The following PEX14 variants were observed in gnomAD, a reference collection of about 807,000 sequenced individuals.
The protein encoded by PEX14 is peroxisomal membrane protein PEX14.
In PEX14, 15 loss-of-function variants were observed where a neutral mutation model predicts 49.5. The ratio of observed to expected loss-of-function variants is 0.30; its 90% CI spans 0.20 to 0.47. PEX14 has a LOEUF of 0.47. PEX14 is among the 20% of genes least tolerant of loss of function. The pLI is 1.00. For synonymous variants in PEX14, 210 were observed against 212.7 expected (o/e 0.99, Z 0.11); for missense variants, 398 against 494.8 (o/e 0.80, Z 1.86).
intron 3 of PEX14, among the ~76,000 whole-genome samples, chr1:10,538,115 C>A (rs1464702808): frequency 2.0e-5 from 3 of 152,124 alleles, no homozygotes; most frequent in Non-Finnish European, 4.4e-5. Context: ...GGAAGGCAGA[C>A]GATTAACAAA....
chr1:10,570,507 A>G (rs1021189766), intron 3 of PEX14, among the ~76,000 whole-genome samples: 2 of 151,624 alleles, frequency 1.3e-5, no homozygotes, highest in Non-Finnish European at 2.9e-5. Flanking sequence ...TAATTTTTGT[A>G]TTTTTAGTAG....
At position 10,605,827 on chromosome 1, in the gene PEX14, A is replaced by G. The variant is rs1641110411; in HGVS notation, c.298+6461A>G. On this transcript the variant is annotated intron_variant, in intron 4 of 8. Coordinates refer to ENST00000356607, the MANE Select transcript of PEX14 (RefSeq NM_004565.3). ...TGAAGAAAGTATTTCTTTAATTTTG[A>G]GGAAATTGTGTTTTCTTTTGTCCGT... Among the ~76,000 whole-genome samples the G allele has an allele frequency of 2.0e-5, 3 of 152,128 alleles. No homozygotes were observed. The South Asian group carries it at 6.2e-4, about 32-fold the overall frequency.
chr1:10,526,002 A>G (rs1424621296), intron 2 of PEX14, among the ~76,000 whole-genome samples: 2 of 145,172 alleles, frequency 1.4e-5, no homozygotes, highest in Non-Finnish European at 3.0e-5. Context: ...GCTCACTGCA[A>G]CCTCTGTCTC....
chr1:10,492,148 A>G (rs1641485177), intron 1 of PEX14, among the ~76,000 whole-genome samples: 1 of 152,198 alleles, frequency 6.6e-6, no homozygotes, highest in Non-Finnish European at 1.5e-5. Context: ...AAAAGGTACT[A>G]AAGGGTTTAT....
intron 2 of PEX14, chr1:10,535,818 C>T (rs114442234): frequency 3.7e-3 from 1,306 of 349,460 alleles, no homozygotes; most frequent in Non-Finnish European, 5.8e-3. Flanking sequence ...CGTGGGGTAA[C>T]GTTTAGACAG....
chr1:10,489,692 C>T (rs149942881), intron 1 of PEX14, among the ~76,000 whole-genome samples: 24 of 152,336 alleles, frequency 1.6e-4, no homozygotes, highest in African/African-American at 5.5e-4. Context: ...CTCTTTCTTT[C>T]TGAAGTCTGT....
intron 3 of PEX14, among the ~76,000 whole-genome samples, chr1:10,585,594 C>T (rs193061390): frequency 1.1e-4 from 16 of 152,344 alleles, no homozygotes; most frequent in Non-Finnish European, 1.9e-4. Context: ...ACAAGAAACT[C>T]GGTAGTAATA....
At chr1:10,479,386 G>A (rs1249711300) in intron 1 of PEX14, among the ~76,000 whole-genome samples, 1 of 151,822 alleles carries the variant, frequency 6.6e-6, no homozygotes, top group African/African-American at 2.4e-5. Flanking sequence ...GGGGACGGGG[G>A]AAGAGACAGA....
chr1:10,570,247 T>C (rs929267734), intron 3 of PEX14, among the ~76,000 whole-genome samples: 4 of 152,212 alleles, frequency 2.6e-5, no homozygotes, highest in Non-Finnish European at 4.4e-5. Flanking sequence ...CATTCCATTC[T>C]TGTTTCATTG....
intron 2 of PEX14, among the ~76,000 whole-genome samples, chr1:10,534,137 C>T (rs1255237830): frequency 1.3e-5 from 2 of 152,302 alleles, no homozygotes; most frequent in African/African-American, 2.4e-5. Context: ...TCCACATTTC[C>T]GCTGACACCT....
intron 4 of PEX14, among the ~76,000 whole-genome samples, chr1:10,609,165 C>T (rs758126599): frequency 2.0e-5 from 3 of 152,118 alleles, no homozygotes; most frequent in South Asian, 2.1e-4. Flanking sequence ...GTTCAGCAGT[C>T]GATGGACATT....
At chr1:10,547,859 A>G (rs1639220712) in intron 3 of PEX14, among the ~76,000 whole-genome samples, 1 of 152,112 alleles carries the variant, frequency 6.6e-6, no homozygotes, top group South Asian at 2.1e-4. Flanking sequence ...ATATACTTCC[A>G]GTTTGTCCAA....
chr1:10,552,092 C>T (rs1431261487), intron 3 of PEX14, among the ~76,000 whole-genome samples: 2 of 147,790 alleles, frequency 1.4e-5, no homozygotes, highest in South Asian at 4.3e-4. Flanking sequence ...GACTCTGTCT[C>T]AAAAAAAAAA....
chr1:10,569,314 G>A (rs1639902684), intron 3 of PEX14, among the ~76,000 whole-genome samples: 1 of 152,058 alleles, frequency 6.6e-6, no homozygotes, highest in Non-Finnish European at 1.5e-5. Context: ...GGATGGGGCA[G>A]ATTGCTTAGC....
At chr1:10,587,770 G>GT (rs1256105700) in intron 3 of PEX14, among the ~76,000 whole-genome samples, 1 of 151,936 alleles carries the variant, frequency 6.6e-6, no homozygotes, top group African/African-American at 2.4e-5. Context: ...AGAGAGCTCT[G>GT]TAGATACTAA....
At chr1:10,557,001 C>T (rs1020145006) in intron 3 of PEX14, among the ~76,000 whole-genome samples, 1 of 152,064 alleles carries the variant, frequency 6.6e-6, no homozygotes, top group African/African-American at 2.4e-5. Context: ...ACCTTAAAGT[C>T]ATTTGAGTAA....
chr1:10,557,324 G>A (rs955953238), intron 3 of PEX14, among the ~76,000 whole-genome samples: 71 of 152,116 alleles, frequency 4.7e-4, no homozygotes, highest in African/African-American at 1.7e-3. Flanking sequence ...AATGGCTCAC[G>A]CCTGTAATCC....
intron 1 of PEX14, among the ~76,000 whole-genome samples, chr1:10,484,667 C>T (rs901749164): frequency 3.3e-5 from 5 of 151,514 alleles, no homozygotes; most frequent in Admixed American, 1.3e-4. Context: ...GTCAGGAAAC[C>T]ACTGGGCTGA....
At chr1:10,621,738 A>G (rs1641602149) in intron 5 of PEX14, among the ~76,000 whole-genome samples, 1 of 152,154 alleles carries the variant, frequency 6.6e-6, no homozygotes, top group African/African-American at 2.4e-5. Flanking sequence ...AATAGCTCAC[A>G]CTGTGGTTGA....
Sources: allele counts gnomAD v4.1 joint callset (sites outside exome capture counted in the v4.1 genomes callset), GRCh38; gene constraint gnomAD v4.1.1; transcripts MANE v1.5; gene names NCBI Gene and HGNC (gene_info 2026-07-23, HGNC 2026-07-21).